CERS3: variants seen among roughly 807,000 people sequenced by gnomAD.
CERS3 encodes ceramide synthase 3.
CERS3 carries 33 observed loss-of-function variants against 50.3 expected under a neutral mutation model. That is an observed-to-expected ratio of 0.66 (90% CI 0.50 to 0.88). The LOEUF is 0.88. Among genes scored for constraint, CERS3 ranks in the 40% least tolerant of loss-of-function variants. The pLI, the probability that CERS3 is intolerant of heterozygous loss-of-function variation, is 0.00. For synonymous variants in CERS3, 176 were observed against 155.2 expected (o/e 1.13, Z -0.99); for missense variants, 470 against 460.3 (o/e 1.02, Z -0.19).
chr15:100,504,222 C>G (rs1232250603), intron 2 of CERS3, among the ~76,000 whole-genome samples: 1 of 148,782 alleles, frequency 6.7e-6, no homozygotes, highest in Non-Finnish European at 1.5e-5. Flanking sequence ...GAAAGGCTGC[C>G]TTTTCCTTGG....
At chr15:100,421,426 G>A (rs1951513475) in intron 11 of CERS3, among the ~76,000 whole-genome samples, 2 of 151,988 alleles carry the variant, frequency 1.3e-5, no homozygotes, top group Admixed American at 6.6e-5. Context: ...GCTCAAGGAA[G>A]TAAAAGAGGA....
In CERS3 at chr15:100,418,264, C is replaced by T. The variant is rs183266034; in HGVS notation, c.1000-15399G>A. The stretch of plus-strand genomic sequence containing the variant: ...AGCTGATGGAGCTGAAAACCAAGGC[C>T]CGAGAACTACGTGAAGAATGCAGAA... On this transcript the variant is annotated intron_variant, in intron 11 of 11. Coordinates refer to ENST00000679737, the MANE Select transcript of CERS3 (RefSeq NM_001378789.1). Among the ~76,000 whole-genome samples the T allele has an allele frequency of 1.3e-3, 191 of 150,130 alleles. 1 individual carries two copies. Among genetic ancestry groups the T allele is most frequent in the South Asian group, 7.8e-3 (37 of 4,734 alleles).
intron 2 of CERS3, among the ~76,000 whole-genome samples, chr15:100,509,613 T>A (rs1293885707): frequency 6.6e-6 from 1 of 152,182 alleles, no homozygotes; most frequent in Non-Finnish European, 1.5e-5. Context: ...ATTCGCGATC[T>A]CTGAACATTA....
rs28402887 is a variant in CERS3 at position 100,536,183 on chromosome 15, A to G, written c.-354-7108T>C. ...GTGCATGGGAAGTGGGGATATTCCTATGCTCATATGTTAAGCATGAATTAA... is the reference window on the plus strand; with the variant it reads ...GTGCATGGGAAGTGGGGATATTCCTGTGCTCATATGTTAAGCATGAATTAA... On this transcript the variant is annotated intron_variant, in intron 1 of 12. Coordinates refer to the CERS3 transcript ENST00000284382. Among the ~76,000 whole-genome samples the G allele has an allele frequency of 5.1e-4, 78 of 151,686 alleles. 2 individuals carry two copies. The highest frequency in any genetic ancestry group is 8.3e-4 in the Non-Finnish European group (56 of 67,858).
In CERS3 at chr15:100,501,816, C is replaced by G; in HGVS notation, c.34G>C (p.Glu12Gln). 1.9e-6 allele frequency: 3 copies of G among 1,614,122 alleles called. No individual in the cohort carries two copies. The highest frequency in any genetic ancestry group is 2.5e-6 in the Non-Finnish European group (3 of 1,179,992). ...FWTFKEWFWL[E>Q]RFWLPPTIKW... is the part of the protein sequence containing the mutation. ...ATTGTTGGAGGAAGCCAGAATCTTT[C>G]CAACCAGAACCATTCTTTAAACGTC... is the stretch of plus-strand genomic sequence containing the variant. Residue 12 changes from glutamate (E) to glutamine (Q), a missense_variant, in exon 3 of 12, where the codon GAA becomes CAA. Coordinates refer to ENST00000679737, the MANE Select transcript of CERS3 (RefSeq NM_001378789.1).
chr15:100,522,818 T>G (rs2036676627), intron 1 of CERS3, among the ~76,000 whole-genome samples: 1 of 152,188 alleles, frequency 6.6e-6, no homozygotes, highest in South Asian at 2.1e-4. Context: ...GGTAAATACG[T>G]GAATGCATTT....
chr15:100,413,753 C>A (rs1399321686), intron 11 of CERS3, among the ~76,000 whole-genome samples: 2 of 141,336 alleles, frequency 1.4e-5, no homozygotes, highest in African/African-American at 5.2e-5. Context: ...AACCTAACCA[C>A]CAACCCCACA....
intron 2 of CERS3, chr15:100,503,595 A>G: frequency 4.7e-6 from 2 of 429,458 alleles, no homozygotes; most frequent in Non-Finnish European, 9.8e-6. Flanking sequence ...CTTTGTGCTG[A>G]TTAGAGGAAG....
intron 2 of CERS3, among the ~76,000 whole-genome samples, chr15:100,520,416 C>T (rs2036608114): frequency 6.6e-6 from 1 of 152,158 alleles, no homozygotes; most frequent in Non-Finnish European, 1.5e-5. Flanking sequence ...AGCCAAAGAT[C>T]TGTTCGGGCT....
At chr15:100,452,139 T>C (rs749355253) in intron 11 of CERS3, among the ~76,000 whole-genome samples, 43 of 150,536 alleles carry the variant, frequency 2.9e-4, no homozygotes, top group Non-Finnish European at 5.6e-4. Context: ...AACAGACTTT[T>C]ACAGAACATT....
intron 5 of CERS3, among the ~76,000 whole-genome samples, chr15:100,481,508 C>G (rs1436943646): frequency 6.6e-6 from 1 of 152,222 alleles, no homozygotes; most frequent in African/African-American, 2.4e-5. Flanking sequence ...CCAGCCAACC[C>G]ACAAATGAAG....
chr15:100,479,320 G>T, intron 7 of CERS3, 108 bp downstream of exon 7: 1 of 744,084 alleles, frequency 1.3e-6, no homozygotes, highest in Non-Finnish European at 2.2e-6. Flanking sequence ...TGCCAGGGAT[G>T]ACACAGTAGT....
At position 100,466,979 on chromosome 15, in the gene CERS3, G is replaced by A. The variant is rs565419727; in HGVS notation, c.845+2399C>T. On this transcript the variant is annotated intron_variant, in intron 10 of 11. Transcript: ENST00000679737. ...AGCACTTTTCCTGCCTCAGGCTCCCGAGTGGCTGGGATTATAGGCATGTGC... is the reference window on the plus strand; with the variant it reads ...AGCACTTTTCCTGCCTCAGGCTCCCAAGTGGCTGGGATTATAGGCATGTGC... 2.2e-4 allele frequency among the ~76,000 whole-genome samples: 33 copies of A among 151,598 alleles called. No individual in the cohort carries two copies. The South Asian group carries it at 5.4e-3, about 25-fold the overall frequency.
intron 11 of CERS3, among the ~76,000 whole-genome samples, chr15:100,437,586 A>G (rs982818801): frequency 6.6e-6 from 1 of 152,220 alleles, no homozygotes; most frequent in South Asian, 2.1e-4. Context: ...GCTGAGAGCC[A>G]ACTGCCCGAC....
chr15:100,476,502 G>A (rs72759117), intron 7 of CERS3, among the ~76,000 whole-genome samples: 10,913 of 152,134 alleles, frequency 0.072, 455 homozygotes, highest in African/African-American at 0.11. Context: ...TCTTTACTTA[G>A]GAACAATGGG....
intron 11 of CERS3, among the ~76,000 whole-genome samples, chr15:100,403,104 A>T (rs1266882054): frequency 6.6e-6 from 1 of 152,254 alleles, no homozygotes; most frequent in African/African-American, 2.4e-5. Flanking sequence ...AGAAACCAAT[A>T]TCAAAAATAG....
At chr15:100,498,469 T>A (rs1010607372) in intron 3 of CERS3, among the ~76,000 whole-genome samples, 13 of 152,168 alleles carry the variant, frequency 8.5e-5, no homozygotes, top group Non-Finnish European at 1.9e-4. Context: ...TGCCTAAATT[T>A]TCATTTTATT....
intron 2 of CERS3, among the ~76,000 whole-genome samples, chr15:100,514,020 C>T (rs569977462): frequency 6.6e-6 from 1 of 152,136 alleles, no homozygotes; most frequent in Non-Finnish European, 1.5e-5. Context: ...TATACCACAG[C>T]GGTCAAGCAC....
At chr15:100,539,855 C>T (rs558954209) in intron 1 of CERS3, among the ~76,000 whole-genome samples, 2 of 152,250 alleles carry the variant, frequency 1.3e-5, no homozygotes, top group South Asian at 2.1e-4. Flanking sequence ...GGAGAGCTGG[C>T]CATCAGTGAG....
Sources: gnomAD v4.1 joint callset for allele counts (sites outside exome capture counted in the v4.1 genomes callset) on GRCh38, gnomAD v4.1.1 for gene constraint, MANE v1.5 for transcripts, NCBI Gene and HGNC (gene_info 2026-07-23, HGNC 2026-07-21) for gene names.